The following MEMO1 variants were observed in gnomAD, a reference collection of about 807,000 sequenced individuals.
MEMO1 encodes protein MEMO1.
Under a neutral mutation model 45.2 loss-of-function variants are expected in MEMO1, and 6 were observed. The ratio of observed to expected loss-of-function variants is 0.13; its 90% CI spans 0.07 to 0.26. The LOEUF is 0.26. Among genes scored for constraint, MEMO1 ranks in the 10% least tolerant of loss-of-function variants. MEMO1 has a pLI of 1.00. For synonymous variants in MEMO1, 78 were observed against 124.3 expected (o/e 0.63, Z 2.48); for missense variants, 184 against 370.5 (o/e 0.50, Z 4.13).
intron 2 of MEMO1, among the ~76,000 whole-genome samples, chr2:31,960,062 C>T (rs1196221147): frequency 3.3e-5 from 5 of 151,972 alleles, no homozygotes; most frequent in South Asian, 2.1e-4. Flanking sequence ...CCGGGTGTGG[C>T]GGCGCATGCC....
chr2:31,991,874 T>C (rs1671996239), intron 2 of MEMO1, among the ~76,000 whole-genome samples: 2 of 152,134 alleles, frequency 1.3e-5, no homozygotes, highest in East Asian at 1.9e-4. Flanking sequence ...CCATCATCTA[T>C]AGAAAAAACA....
chr2:31,872,394 G>C (rs975055139), intron 8 of MEMO1, among the ~76,000 whole-genome samples: 3 of 152,164 alleles, frequency 2.0e-5, no homozygotes, highest in African/African-American at 7.2e-5. Context: ...ATCTAGGACA[G>C]CTTACCTTAT....
intron 2 of MEMO1, among the ~76,000 whole-genome samples, chr2:31,997,909 G>A (rs887175505): frequency 1.4e-4 from 21 of 152,316 alleles, no homozygotes; most frequent in African/African-American, 5.1e-4. Flanking sequence ...AGTAACACAG[G>A]AAATGGCTAA....
intron 3 of MEMO1, among the ~76,000 whole-genome samples, chr2:31,933,333 AAAAAAAAAAAAAAAAATT>A (rs1194106229): frequency 4.6e-4 from 29 of 62,454 alleles, no homozygotes; most frequent in South Asian, 3.3e-3. Context: ...AAAAAAAAAA[AAAAAAAAAAAAAAAAATT>A]TATATATATA....
intron 2 of MEMO1, among the ~76,000 whole-genome samples, chr2:31,968,946 A>T (rs1350087061): frequency 6.6e-6 from 1 of 152,154 alleles, no homozygotes; most frequent in African/African-American, 2.4e-5. Context: ...ATTTTAAAGT[A>T]AAAGTTAAAA....
At chr2:31,973,249 T>A (rs1160744812) in intron 2 of MEMO1, among the ~76,000 whole-genome samples, 6 of 151,872 alleles carry the variant, frequency 4.0e-5, no homozygotes, top group Admixed American at 1.3e-4. Flanking sequence ...AGGTCAGGAG[T>A]TCGAGACCAG....
At chr2:31,920,493 T>C (rs780865474) in intron 5 of MEMO1, among the ~76,000 whole-genome samples, 4 of 152,124 alleles carry the variant, frequency 2.6e-5, no homozygotes, top group Non-Finnish European at 5.9e-5. Context: ...GAAATTGGTA[T>C]GGGTACTAAT....
intron 4 of MEMO1, 87 bp from the exon 5 acceptor site, chr2:31,920,997 A>G: frequency 2.3e-6 from 2 of 886,052 alleles, no homozygotes; most frequent in African/African-American, 1.7e-5. Flanking sequence ...AATTCTTACA[A>G]ATCACTTGTT....
intron 2 of MEMO1, among the ~76,000 whole-genome samples, chr2:31,984,575 C>A (rs976978176): frequency 2.0e-5 from 3 of 152,072 alleles, no homozygotes; most frequent in Admixed American, 2.0e-4. Flanking sequence ...TTTGGGAGGC[C>A]AAGGCGGGCG....
At chr2:31,928,584 T>G (rs1172696398) in intron 4 of MEMO1, among the ~76,000 whole-genome samples, 1 of 151,624 alleles carries the variant, frequency 6.6e-6, no homozygotes, top group Non-Finnish European at 1.5e-5. Context: ...AAGAAAAATC[T>G]TATTAGACCC....
At chr2:31,992,689 C>T (rs562192625) in intron 2 of MEMO1, among the ~76,000 whole-genome samples, 1 of 152,158 alleles carries the variant, frequency 6.6e-6, no homozygotes, top group Non-Finnish European at 1.5e-5. Flanking sequence ...GAGACTGAGG[C>T]AGGAGAATCA....
chr2:31,973,512 A>G (rs1487445512), intron 2 of MEMO1, among the ~76,000 whole-genome samples: 1 of 152,196 alleles, frequency 6.6e-6, no homozygotes, highest in East Asian at 1.9e-4. Context: ...ACTTGTACAC[A>G]AATACTGATG....
At chr2:31,967,076 G>C (rs1668711503) in intron 2 of MEMO1, among the ~76,000 whole-genome samples, 1 of 151,046 alleles carries the variant, frequency 6.6e-6, no homozygotes, top group African/African-American at 2.4e-5. Flanking sequence ...TGCTGTGTGA[G>C]AAATATTAAT....
intron 2 of MEMO1, 26 bp downstream of exon 2, chr2:32,010,161 G>A: frequency 1.7e-5 from 22 of 1,269,660 alleles, no homozygotes; most frequent in Admixed American, 2.8e-5. Context: ...GACGGCGGCG[G>A]GCGGGCCGGC....
chr2:31,984,590 C>T (rs546349586), intron 2 of MEMO1, among the ~76,000 whole-genome samples: 2 of 152,020 alleles, frequency 1.3e-5, no homozygotes, highest in African/African-American at 2.4e-5. Flanking sequence ...CGGGCGATAA[C>T]GAGGTCAAGA....
At chr2:31,879,802 G>A (rs1041055414) in intron 8 of MEMO1, among the ~76,000 whole-genome samples, 2 of 152,080 alleles carry the variant, frequency 1.3e-5, no homozygotes, top group Non-Finnish European at 2.9e-5. Flanking sequence ...AAATACATGT[G>A]ACTGGTGGCT....
intron 3 of MEMO1, among the ~76,000 whole-genome samples, chr2:31,932,359 T>C (rs1664286518): frequency 6.6e-6 from 1 of 152,190 alleles, no homozygotes; most frequent in Non-Finnish European, 1.5e-5. Context: ...TGTAATTTTT[T>C]TTTGTCTGAA....
intron 6 of MEMO1, among the ~76,000 whole-genome samples, chr2:31,894,345 G>A (rs1677405197): frequency 6.6e-6 from 1 of 152,196 alleles, no homozygotes. Context: ...AAAAGGGGAT[G>A]ACTTTGACTT....
chr2:32,000,484 C>A (rs1292464776), intron 2 of MEMO1, among the ~76,000 whole-genome samples: 1 of 152,146 alleles, frequency 6.6e-6, no homozygotes, highest in Admixed American at 6.5e-5. Flanking sequence ...CCCGCCTCGG[C>A]CTCCCAAAGT....
Sources: allele counts gnomAD v4.1 joint callset (sites outside exome capture counted in the v4.1 genomes callset), GRCh38; gene constraint gnomAD v4.1.1; transcripts MANE v1.5; gene names NCBI Gene and HGNC (gene_info 2026-07-23, HGNC 2026-07-21).